Variants in KCNH6 observed in about 807,000 individuals in gnomAD.
KCNH6 encodes voltage-gated inwardly rectifying potassium channel KCNH6.
Under a neutral mutation model 83.4 loss-of-function variants are expected in KCNH6, and 81 were observed. The observed-to-expected ratio is 0.97, with a 90% CI of 0.81 to 1.17. The LOEUF is 1.17. KCNH6 is among the 50% of genes most tolerant of loss of function. The pLI, the probability that KCNH6 is intolerant of heterozygous loss-of-function variation, is 0.00. For synonymous variants in KCNH6, 503 were observed against 545.6 expected, an observed-to-expected ratio of 0.92 and a Z score of 1.09; for missense variants, 1,203 against 1,290.5, an observed-to-expected ratio of 0.93 and a Z score of 1.04.
Position 63,546,044 on chromosome 17 carries a change from C to A in KCNH6, c.*142C>A. On this transcript the variant is annotated 3_prime_UTR_variant, in exon 13 of 13. Transcript: ENST00000314672. ...AGGCGGGCGGATCAGACCATCCTGG[C>A]TAACACGGTGAAACCCCACCTCTAC... 1.5e-6 allele frequency: 1 copy of A among 687,206 alleles called. No homozygotes were observed. Among genetic ancestry groups the A allele is most frequent in the Non-Finnish European group, 2.4e-6 (1 of 417,390 alleles). 42.6% of individuals were successfully genotyped at this position (687,206 alleles called of 1,614,324 possible).
intron 2 of KCNH6, among the ~76,000 whole-genome samples, chr17:63,529,576 C>G (rs747016965): frequency 6.6e-6 from 1 of 152,216 alleles, no homozygotes; most frequent in Non-Finnish European, 1.5e-5. Context: ...TGCCTGCCCC[C>G]CAAGGACCTC....
chr17:63,527,213 G>A (rs531797032), intron 2 of KCNH6, among the ~76,000 whole-genome samples: 2 of 152,308 alleles, frequency 1.3e-5, no homozygotes, highest in African/African-American at 4.8e-5. Flanking sequence ...GGGACAAGGG[G>A]CTGCTGTCTG....
chr17:63,538,702 G>A lies in KCNH6; in HGVS notation c.1954+40G>A. The A allele has an allele frequency of 1.3e-6, 2 of 1,526,134 alleles. No homozygotes were observed. Among genetic ancestry groups the A allele is most frequent in the Non-Finnish European group, 1.8e-6 (2 of 1,133,636 alleles). 94.5% of individuals were successfully genotyped at this position (1,526,134 alleles called of 1,614,324 possible). A position where few individuals can be genotyped will look rare whatever the true frequency, so the allele number is the denominator to read the frequency against. ...GTGGACCAGGCCTGTGTTGGGGATT[G>A]GATGGAAGAGGGCGGGATTGGAGAT... is the stretch of plus-strand genomic sequence containing the variant. On this transcript the variant is annotated intron_variant, in intron 8 of 12. Transcript: ENST00000314672. The surrounding 1 kb of genome is among the most constrained non-coding windows in gnomAD (Gnocchi z 4.0).
At chr17:63,542,172 G>A (rs2032898843) in intron 8 of KCNH6, 69 bp from the exon 9 acceptor site, 13 of 1,540,778 alleles carry the variant, frequency 8.4e-6, no homozygotes, top group South Asian at 3.5e-5. Context: ...GGGAGGTCAC[G>A]GTCAAAGGAC....
intron 6 of KCNH6, chr17:63,536,327 T>G: frequency 2.0e-6 from 1 of 510,906 alleles, no homozygotes; most frequent in East Asian, 3.3e-5. Context: ...AAAATGAAAT[T>G]GTAGGGACCC....
chr17:63,536,440 C>T (rs557938700), intron 6 of KCNH6, among the ~76,000 whole-genome samples: 1 of 152,242 alleles, frequency 6.6e-6, no homozygotes, highest in South Asian at 2.1e-4. Context: ...GTCAAGAGTT[C>T]AAGACTAGCC....
At chr17:63,531,111 C>A (rs2032078577) in intron 4 of KCNH6, among the ~76,000 whole-genome samples, 1 of 152,236 alleles carries the variant, frequency 6.6e-6, no homozygotes, top group Non-Finnish European at 1.5e-5. Context: ...CCTGAAGGAC[C>A]CCGGCAGCTC....
chr17:63,544,535 A>G (rs1160989029), intron 11 of KCNH6, 124 bp downstream of exon 11: 2 of 763,978 alleles, frequency 2.6e-6, no homozygotes, highest in Non-Finnish European at 3.8e-6. Flanking sequence ...AGGTCTCCCC[A>G]TACCTGTCAT....
rs1360485913 is a variant in KCNH6, at chr17:63,530,715, C to T, written c.675+173C>T. ...CCTGTCCTGTTTGAGACCTAAAGAC[C>T]TGAAGGCCTGCCCTGAGGTCACAGC... On this transcript the variant is annotated intron_variant, in intron 4 of 12. Coordinates refer to ENST00000314672, the MANE Select transcript of KCNH6 (RefSeq NM_001278919.2). Among the ~76,000 whole-genome samples, 3 of 152,222 alleles carry T rather than the reference C, an allele frequency of 2.0e-5. No individual in the cohort carries two copies. The South Asian group carries it at 6.2e-4, about 31-fold the overall frequency.
chr17:63,526,813 C>T (rs2031746128), intron 2 of KCNH6, among the ~76,000 whole-genome samples: 1 of 152,178 alleles, frequency 6.6e-6, no homozygotes, highest in Admixed American at 6.5e-5. Flanking sequence ...GTTCACATAG[C>T]TCCACGTTGT....
rs199511558 is a variant in KCNH6 at position 63,530,126 on chromosome 17, G to T, written c.343G>T (p.Val115Leu). 4 of 1,613,930 alleles carry T rather than the reference G, an allele frequency of 2.5e-6. No homozygotes were observed. The highest frequency in any genetic ancestry group is 3.4e-6 in the Non-Finnish European group (4 of 1,180,046). The change falls in exon 3 of 13, where the codon GTG (valine) becomes TTG (leucine). Residue 115 changes from valine to leucine, a missense_variant. Physicochemically the swap from Val to Leu is conservative, Grantham distance 32. Transcript: ENST00000314672. ...CCGCTGCCTGGTAGATGTGGTGCCC[G>T]TGAAGAACGAGGACGGGGCTGTCAT... ...SFRCLVDVVP[V>L]KNEDGAVIMF...
chr17:63,530,497 T>A lies in KCNH6; in HGVS notation c.630T>A (p.His210Gln). The change falls in exon 4 of 13, where the codon CAT becomes CAA. Residue 210 changes from histidine (H) to glutamine (Q), a missense_variant. Physicochemically the swap from His to Gln is conservative, Grantham distance 24 (BLOSUM62 0). Coordinates refer to ENST00000314672, the MANE Select transcript of KCNH6 (RefSeq NM_001278919.2). ...STTEIEIIAP[H>Q]KVVERTQNVT... Reference sequence around the variant, plus strand: ...CGGAGATTGAGATCATCGCGCCCCATAAGGTGGTGGAGCGGACACAGAACG... The same window carrying A: ...CGGAGATTGAGATCATCGCGCCCCAAAAGGTGGTGGAGCGGACACAGAACG... The A allele has an allele frequency of 6.2e-7, 1 of 1,614,058 alleles. No individual in the cohort carries two copies. The highest frequency in any genetic ancestry group is 8.5e-7 in the Non-Finnish European group (1 of 1,180,008).
At chr17:63,531,291 C>G (rs2032091497) in intron 4 of KCNH6, among the ~76,000 whole-genome samples, 1 of 152,270 alleles carries the variant, frequency 6.6e-6, no homozygotes, top group African/African-American at 2.4e-5. Flanking sequence ...TGACCTTGGC[C>G]AGGGGAACTA....
chr17:63,534,358 G>T lies in KCNH6; in HGVS notation c.1101+47G>T, dbSNP rs376722777. 7 of 1,547,786 alleles carry T rather than the reference G, an allele frequency of 4.5e-6. No homozygotes were observed. Among genetic ancestry groups the T allele is most frequent in the African/African-American group, 1.4e-5 (1 of 73,736 alleles). On this transcript the variant is annotated intron_variant, in intron 5 of 12. Transcript: ENST00000314672. This position sits in a 1 kb window ranked among gnomAD's most constrained non-coding sequence, Gnocchi z 5.0. Reference sequence around the variant, plus strand: ...CAGCAGCCATGGCTGTCCTCTGCACGCTGGCCTCAAGCCCTCCCTGCTGCA... The same window carrying T: ...CAGCAGCCATGGCTGTCCTCTGCACTCTGGCCTCAAGCCCTCCCTGCTGCA...
intron 6 of KCNH6, 91 bp downstream of exon 6, chr17:63,536,159 C>A: frequency 8.8e-7 from 1 of 1,138,424 alleles, no homozygotes; most frequent in Non-Finnish European, 1.3e-6. Context: ...TAGAACATAA[C>A]ACATAGCAAC....
At chr17:63,531,679 G>T (rs978799184) in intron 4 of KCNH6, among the ~76,000 whole-genome samples, 5 of 152,232 alleles carry the variant, frequency 3.3e-5, no homozygotes, top group Non-Finnish European at 7.3e-5. Flanking sequence ...TGGCCCAAAG[G>T]CCTGACCCTG....
Position 63,536,031 on chromosome 17 carries a change from C to T in KCNH6, c.1464C>T (p.Ser488=), listed in dbSNP as rs267604986. Residue 488 remains serine (S), a synonymous_variant, in exon 6 of 13, where the codon TCC becomes TCT. Transcript: ENST00000314672. ...GFGNVSPNTN[S]EKVFSICVML... ...GCAATGTCTCGCCCAACACCAACTC[C>T]GAGAAGGTCTTCTCCATCTGCGTCA... is the stretch of plus-strand genomic sequence containing the variant. The T allele has an allele frequency of 8.7e-6, 14 of 1,613,694 alleles. No individual in the cohort carries two copies. The highest frequency in any genetic ancestry group is 1.7e-5 in the Admixed American group (1 of 60,026).
At chr17:63,541,247 T>TC (rs1166074672) in intron 8 of KCNH6, among the ~76,000 whole-genome samples, 2 of 150,536 alleles carry the variant, frequency 1.3e-5, no homozygotes, top group Non-Finnish European at 2.9e-5. Flanking sequence ...CCTGGGATAT[T>TC]CCCCCTTGCC....
Position 63,538,480 on chromosome 17 carries a change from A to T in KCNH6, c.1772A>T (p.His591Leu). 1 of 1,604,838 alleles carries T rather than the reference A, an allele frequency of 6.2e-7. No homozygotes were observed. ...CLHLHRALLQHCPAFSGAGKG... is the reference protein window; with the variant it reads ...CLHLHRALLQLCPAFSGAGKG... ...CACCTGCACCGCGCACTGCTGCAGC[A>T]CTGCCCAGCTTTCAGCGGCGCCGGC... Residue 591 changes from histidine (H) to leucine (L), a missense_variant, in exon 8 of 13, where the codon CAC (histidine) becomes CTC (leucine). By Grantham distance (99) the His-to-Leu change is moderately conservative. Coordinates refer to ENST00000314672, the MANE Select transcript of KCNH6 (RefSeq NM_001278919.2). This position sits in a 1 kb window ranked among gnomAD's most constrained non-coding sequence, Gnocchi z 4.0.
Sources: gnomAD v4.1 joint callset for allele counts (sites outside exome capture counted in the v4.1 genomes callset) on GRCh38, gnomAD v4.1.1 for gene constraint, Gnocchi (gnomAD v3.1) non-coding constraint, MANE v1.5 for transcripts, NCBI Gene and HGNC (gene_info 2026-07-23, HGNC 2026-07-21) for gene names.